ARHGEF10: variants seen among roughly 807,000 people sequenced by gnomAD.
ARHGEF10 encodes the protein Rho guanine nucleotide exchange factor (GEF) 10.
ARHGEF10 carries 140 observed loss-of-function variants against 147.4 expected under a neutral mutation model. The observed-to-expected ratio is 0.95, with a 90% CI of 0.83 to 1.09. The LOEUF is 1.09. ARHGEF10 is among the 50% of genes least tolerant of loss of function. The probability of loss-of-function intolerance (pLI) is 0.00; values close to 1 mark genes in which losing one functional copy is unlikely to be tolerated. For missense variants in ARHGEF10, 2,222 were observed against 1,752.7 expected (o/e 1.27, Z -4.78); for synonymous variants, 902 against 695.8 (o/e 1.30, Z -4.67).
At chr8:1,864,531 C>G in intron 5 of ARHGEF10, 95 bp downstream of exon 5, 1 of 1,317,532 alleles carries the variant, frequency 7.6e-7, no homozygotes, top group Non-Finnish European at 1.1e-6. Context: ...GCCCGCCATC[C>G]TCAGCTCTGC....
chr8:1,942,091 G>A (rs1274044097), intron 26 of ARHGEF10, among the ~76,000 whole-genome samples: 1 of 151,924 alleles, frequency 6.6e-6, no homozygotes, highest in Admixed American at 6.6e-5. Context: ...TCAAGCACAA[G>A]CAACCAATGT....
intron 17 of ARHGEF10, among the ~76,000 whole-genome samples, chr8:1,908,994 G>T (rs992870398): frequency 2.6e-5 from 4 of 152,238 alleles, no homozygotes; most frequent in African/African-American, 9.6e-5. Context: ...CCTTTGCTCA[G>T]AGTCATCAGC....
chr8:1,831,460 G>A (rs1465605967), intron 1 of ARHGEF10, among the ~76,000 whole-genome samples: 4 of 140,570 alleles, frequency 2.8e-5, no homozygotes, highest in African/African-American at 7.9e-5. Context: ...TGTGACGGCC[G>A]TGGAGGGACA....
rs529048273 is a variant in ARHGEF10, at chr8:1,893,040, G to T, written c.1183-529G>T. On this transcript the variant is annotated intron_variant, in intron 11 of 28. Coordinates refer to ENST00000349830, the MANE Select transcript of ARHGEF10 (RefSeq NM_014629.4). Reference sequence around the variant, plus strand: ...CTCTAAGTGACATGAATAATTTACTGTCCACATTCTTGGCCTCATAGGTAG... The same window carrying T: ...CTCTAAGTGACATGAATAATTTACTTTCCACATTCTTGGCCTCATAGGTAG... Among the ~76,000 whole-genome samples, 12 of 132,888 alleles carry T rather than the reference G, an allele frequency of 9.0e-5. No individual in the cohort carries two copies. In the South Asian group the frequency reaches 2.4e-3, roughly 26 times the overall value. 87.2% of individuals were successfully genotyped at this position (132,888 alleles called of 152,430 possible).
intron 1 of ARHGEF10, among the ~76,000 whole-genome samples, chr8:1,824,538 C>T (rs1041427637): frequency 6.6e-6 from 1 of 151,080 alleles, no homozygotes; most frequent in Middle Eastern, 3.2e-3. Flanking sequence ...CGGCGTCTTT[C>T]CCCCGCACCC....
chr8:1,898,605 A>C, intron 15 of ARHGEF10, 80 bp downstream of exon 15: 1 of 1,403,234 alleles, frequency 7.1e-7, no homozygotes, highest in Non-Finnish European at 1.0e-6. Flanking sequence ...CTGTTCCTCC[A>C]CTTTGGAATG....
At chr8:1,926,737 G>A (rs536933157) in intron 23 of ARHGEF10, 1 of 486,452 alleles carries the variant, frequency 2.1e-6, no homozygotes, top group Non-Finnish European at 3.7e-6. Flanking sequence ...ACTAATAAGA[G>A]AATAATTTTA....
chr8:1,957,180 G>A lies in ARHGEF10; in HGVS notation c.3952G>A (p.Val1318Met), dbSNP rs147395180. 186 of 1,612,606 alleles carry A rather than the reference G, an allele frequency of 1.2e-4. No homozygotes were observed. The African/African-American group carries it at 2.3e-3, about 20-fold the overall frequency. The change falls in exon 29 of 29, where the codon GTG (valine) becomes ATG (methionine). Residue 1318 changes from valine to methionine, a missense_variant. Transcript: ENST00000349830. ...CTGTGGAGGGCAGGGCCACCGCCGG[G>A]TGCACAGGAAGGCCCGGCAGCCCCA... is the stretch of plus-strand genomic sequence containing the variant. ...VVCGGQGHRRVHRKARQPHQE... is the reference protein window; with the variant it reads ...VVCGGQGHRRMHRKARQPHQE...
chr8:1,930,492 C>A (rs76496953), intron 25 of ARHGEF10, among the ~76,000 whole-genome samples: 1 of 148,750 alleles, frequency 6.7e-6, no homozygotes, highest in Non-Finnish European at 1.5e-5. Flanking sequence ...TTTTTACCCT[C>A]CCCGCCCCCC....
chr8:1,844,545 G>C (rs75100582), intron 2 of ARHGEF10, among the ~76,000 whole-genome samples: 1 of 138,060 alleles, frequency 7.2e-6, no homozygotes, highest in African/African-American at 2.7e-5. Flanking sequence ...GGGGGTCTGC[G>C]GTGGGGAACC....
chr8:1,863,311 G>C (rs1806306766), intron 4 of ARHGEF10, among the ~76,000 whole-genome samples: 4 of 152,220 alleles, frequency 2.6e-5, no homozygotes, highest in Admixed American at 2.6e-4. Context: ...TCAGCATCCA[G>C]CTGTGTGGCA....
intron 6 of ARHGEF10, among the ~76,000 whole-genome samples, chr8:1,868,170 A>G (rs1346571014): frequency 6.6e-6 from 1 of 152,232 alleles, no homozygotes; most frequent in African/African-American, 2.4e-5. Context: ...ATTAAAAGAA[A>G]GAGCGTCTGT....
chr8:1,887,764 G>T (rs1411377932), intron 11 of ARHGEF10, among the ~76,000 whole-genome samples: 4 of 93,324 alleles, frequency 4.3e-5, no homozygotes. Flanking sequence ...CACGGAGTGG[G>T]GTGAGGGTTG....
chr8:1,944,279 G>C (rs1002695080), intron 26 of ARHGEF10, among the ~76,000 whole-genome samples: 2 of 151,080 alleles, frequency 1.3e-5, no homozygotes, highest in East Asian at 1.9e-4. Flanking sequence ...CCCCAGCCCT[G>C]CGTGCCCAGC....
intron 13 of ARHGEF10, among the ~76,000 whole-genome samples, chr8:1,895,921 G>C (rs1280232996): frequency 6.6e-6 from 1 of 152,126 alleles, no homozygotes; most frequent in Non-Finnish European, 1.5e-5. Flanking sequence ...CCATTTCTAG[G>C]GTGTGGTTGA....
chr8:1,874,468 CAT>C (rs778392988), intron 7 of ARHGEF10, among the ~76,000 whole-genome samples: 58 of 152,318 alleles, frequency 3.8e-4, no homozygotes, highest in South Asian at 6.2e-4. Flanking sequence ...AAAAAGGTAA[CAT>C]GTGTGAAAAC....
chr8:1,850,340 AGACGG>A (rs1805020834), intron 2 of ARHGEF10, among the ~76,000 whole-genome samples: 8 of 146,026 alleles, frequency 5.5e-5, no homozygotes, highest in African/African-American at 1.8e-4. Context: ...CCGTGTGGAC[AGACGG>A]CAAATGCCGA....
At chr8:1,833,457 C>A (rs904194952) in intron 1 of ARHGEF10, among the ~76,000 whole-genome samples, 1 of 151,956 alleles carries the variant, frequency 6.6e-6, no homozygotes, top group Non-Finnish European at 1.5e-5. Flanking sequence ...GAGACAGGGG[C>A]AGAGGCAGGG....
In ARHGEF10 at chr8:1,921,414, T is replaced by C. The variant is rs575470989; in HGVS notation, c.2144-1550T>C. 3.9e-4 allele frequency among the ~76,000 whole-genome samples: 59 copies of C among 152,314 alleles called. No individual in the cohort carries two copies. The South Asian group carries it at 0.012, about 31-fold the overall frequency. ...CATAGAAGGAAAATGCAGAGTCCTT[T>C]CCTCAAAATTATTAAGAATTTCAGG... On this transcript the variant is annotated intron_variant, in intron 18 of 28. Transcript: ENST00000349830.
Sources: allele counts gnomAD v4.1 joint callset (sites outside exome capture counted in the v4.1 genomes callset), GRCh38; gene constraint gnomAD v4.1.1; transcripts MANE v1.5; gene names NCBI Gene and HGNC (gene_info 2026-07-23, HGNC 2026-07-21).